Variants in XPO7 observed in about 807,000 individuals in gnomAD.
XPO7 encodes exportin 7, also known as exportin-7.
Under a neutral mutation model 144.3 loss-of-function variants are expected in XPO7, and 21 were observed. The observed-to-expected ratio is 0.15, with a 90% confidence interval of 0.10 to 0.21. The LOEUF is 0.21. XPO7 is among the 10% of genes least tolerant of loss of function. The pLI is 1.00. For missense variants in XPO7, 808 were observed against 1,325.8 expected (o/e 0.61, Z 6.06); for synonymous variants, 580 against 499.6 (o/e 1.16, Z -2.15).
chr8:21,961,206 T>C (rs1253569734), intron 1 of XPO7, among the ~76,000 whole-genome samples: 1 of 145,828 alleles, frequency 6.9e-6, no homozygotes, highest in Non-Finnish European at 1.5e-5. Flanking sequence ...CACAGGGTGT[T>C]TTTTTTTTTT....
At chr8:21,984,520 A>T in intron 11 of XPO7, 126 bp from the exon 12 acceptor site, 1 of 855,542 alleles carries the variant, frequency 1.2e-6, no homozygotes. Flanking sequence ...GGTTAAAAGT[A>T]ATGTCGGGAT....
intron 1 of XPO7, among the ~76,000 whole-genome samples, chr8:21,957,697 T>C (rs1016047079): frequency 2.6e-5 from 4 of 152,214 alleles, no homozygotes; most frequent in Non-Finnish European, 5.9e-5. Context: ...GTTAGACTTA[T>C]CCAATGTTAA....
intron 7 of XPO7, 118 bp downstream of exon 7, chr8:21,976,639 TTC>T (rs1160579564): frequency 8.2e-7 from 1 of 1,214,304 alleles, no homozygotes. Context: ...TGAGAAAAAA[TTC>T]TAACGTCTTT....
chr8:21,920,330 G>A (rs1810234620), intron 1 of XPO7, among the ~76,000 whole-genome samples: 1 of 151,994 alleles, frequency 6.6e-6, no homozygotes. Context: ...CCCTCCCACG[G>A]ATGCGCCCTT....
intron 1 of XPO7, chr8:21,964,006 A>G (rs1406152402): frequency 6.6e-6 from 1 of 152,186 alleles, no homozygotes; most frequent in Non-Finnish European, 1.5e-5. Flanking sequence ...CTTCATTGTA[A>G]TTATTGTTGG....
intron 1 of XPO7, among the ~76,000 whole-genome samples, chr8:21,946,563 T>G: frequency 7.5e-6 from 1 of 133,602 alleles, no homozygotes; most frequent in African/African-American, 3.0e-5. Context: ...AGGAGAGGCT[T>G]TTCTAGAACT....
chr8:21,930,270 C>T (rs544621079), intron 1 of XPO7, among the ~76,000 whole-genome samples: 1 of 152,134 alleles, frequency 6.6e-6, no homozygotes, highest in Non-Finnish European at 1.5e-5. Context: ...AGTAAACATT[C>T]CCTCATTTGG....
chr8:21,922,984 A>C (rs1810338281), intron 1 of XPO7, among the ~76,000 whole-genome samples: 1 of 152,208 alleles, frequency 6.6e-6, no homozygotes, highest in Non-Finnish European at 1.5e-5. Flanking sequence ...TGTCAGGTTA[A>C]ATTTTAGCAG....
At chr8:21,969,406 A>C (rs1811981537) in intron 2 of XPO7, 77 bp from the exon 3 acceptor site, 22 of 1,205,094 alleles carry the variant, frequency 1.8e-5, no homozygotes, top group Non-Finnish European at 2.3e-5. Flanking sequence ...GAATCTGAGC[A>C]GAGATCTCCA....
At position 21,976,385 on chromosome 8, in the gene XPO7, T is replaced by C; in HGVS notation, c.627T>C (p.Asp209=). 1 of 1,613,976 alleles carries C rather than the reference T, an allele frequency of 6.2e-7. No individual in the cohort carries two copies. The highest frequency in any genetic ancestry group is 8.5e-7 in the Non-Finnish European group (1 of 1,179,862). The change falls in exon 7 of 28, where the codon GAT becomes GAC. Residue 209 remains aspartate, a synonymous_variant. Transcript: ENST00000252512. ...QASGKNLNLN[D]ESQHGLLMQL... is the part of the protein sequence containing the mutation. Reference sequence around the variant, plus strand: ...CAGGAAAGAATCTAAACTTGAATGATGAAAGTCAGCATGGCTTGCTCATGC... The same window carrying C: ...CAGGAAAGAATCTAAACTTGAATGACGAAAGTCAGCATGGCTTGCTCATGC...
chr8:21,963,604 A>G (rs1035330096), intron 1 of XPO7, among the ~76,000 whole-genome samples: 2 of 152,008 alleles, frequency 1.3e-5, no homozygotes, highest in Non-Finnish European at 2.9e-5. Context: ...CTGAGGCAGG[A>G]GAATCGCTTG....
At position 21,981,841 on chromosome 8, in the gene XPO7, C is replaced by A. The variant is rs771439702; in HGVS notation, c.1068C>A (p.Ile356=). 6.2e-7 allele frequency: 1 copy of A among 1,613,966 alleles called. No homozygotes were observed. ...AGGTGGAAAACTACCCTGAGGTCAT[C>A]CGATTGATAGCCAACTTCACAGTGA... ...LVKVENYPEV[I]RLIANFTVTS... Residue 356 remains isoleucine, a synonymous_variant, in exon 10 of 28, where the codon ATC becomes ATA. Transcript: ENST00000252512.
chr8:21,959,972 C>G (rs1236599655), intron 1 of XPO7, among the ~76,000 whole-genome samples: 1 of 152,128 alleles, frequency 6.6e-6, no homozygotes, highest in African/African-American at 2.4e-5. Context: ...GCAGTAGTAC[C>G]CAAAGTTCAG....
chr8:21,973,194 C>CTT (rs1812122609), intron 5 of XPO7, among the ~76,000 whole-genome samples: 1 of 152,182 alleles, frequency 6.6e-6, no homozygotes, highest in African/African-American at 2.4e-5. Flanking sequence ...TTTAACCACT[C>CTT]TTATCTTTGC....
chr8:21,973,989 G>A (rs1812145978), intron 5 of XPO7, among the ~76,000 whole-genome samples: 1 of 152,146 alleles, frequency 6.6e-6, no homozygotes. Flanking sequence ...AAATTCTGCA[G>A]TAACTTCAGC....
At chr8:21,969,997 C>G in intron 3 of XPO7, 147 bp from the exon 4 acceptor site, 1 of 895,898 alleles carries the variant, frequency 1.1e-6, no homozygotes, top group South Asian at 1.8e-5. Flanking sequence ...CCATTTGGAA[C>G]AGTAGCATAA....
intron 1 of XPO7, among the ~76,000 whole-genome samples, chr8:21,934,505 C>G (rs1018913940): frequency 1.3e-5 from 2 of 151,974 alleles, no homozygotes; most frequent in Non-Finnish European, 2.9e-5. Flanking sequence ...TGCACTCCAG[C>G]CTGGGCAACA....
At chr8:21,989,900 A>C (rs1251170987) in intron 16 of XPO7, among the ~76,000 whole-genome samples, 6 of 115,058 alleles carry the variant, frequency 5.2e-5, no homozygotes, top group Non-Finnish European at 9.9e-5. Context: ...CCCAGGCTGG[A>C]GTGCAGTTGC....
rs372952463 is a variant in XPO7 at position 21,943,282 on chromosome 8, C to T, written c.18+23494C>T. Among the ~76,000 whole-genome samples, 696 of 152,228 alleles carry T rather than the reference C, an allele frequency of 4.6e-3. 4 individuals carry two copies. The highest frequency in any genetic ancestry group is 0.016 in the African/African-American group (659 of 41,514). Reference sequence around the variant, plus strand: ...AGGAATTGGCACACAATACGGCTTTCCCTGGCTTGTCAAGAATTAAGAACT... The same window carrying T: ...AGGAATTGGCACACAATACGGCTTTTCCTGGCTTGTCAAGAATTAAGAACT... On this transcript the variant is annotated intron_variant, in intron 1 of 27. Coordinates refer to ENST00000252512, the MANE Select transcript of XPO7 (RefSeq NM_015024.5).
Sources: allele counts gnomAD v4.1 joint callset (sites outside exome capture counted in the v4.1 genomes callset), GRCh38; gene constraint gnomAD v4.1.1; transcripts MANE v1.5; gene names NCBI Gene and HGNC (gene_info 2026-07-23, HGNC 2026-07-21).